SETBP1: variants seen among roughly 807,000 people sequenced by gnomAD.
SETBP1 encodes SET-binding protein.
SETBP1 carries 9 observed loss-of-function variants against 101.0 expected under a neutral mutation model. The observed-to-expected ratio is 0.09, with a 90% CI of 0.05 to 0.16. The LOEUF (loss-of-function observed/expected upper bound fraction) is 0.16. Ranked by LOEUF, SETBP1 falls within the 10% of genes least tolerant of loss-of-function variation. The pLI is 1.00. For missense variants in SETBP1, 1,858 were observed against 2,033.8 expected, an observed-to-expected ratio of 0.91 and a Z score of 1.66; for synonymous variants, 818 against 788.5, an observed-to-expected ratio of 1.04 and a Z score of -0.63.
intron 2 of SETBP1, among the ~76,000 whole-genome samples, chr18:44,746,294 A>G (rs1272262570): frequency 6.6e-6 from 1 of 152,216 alleles, no homozygotes; most frequent in South Asian, 2.1e-4. Context: ...ACATTTCTGT[A>G]AAATAGGATA....
intron 2 of SETBP1, among the ~76,000 whole-genome samples, chr18:44,777,339 A>G (rs779125305): frequency 5.3e-5 from 8 of 152,220 alleles, no homozygotes; most frequent in Non-Finnish European, 1.2e-4. Context: ...TAAGTGGCAG[A>G]ACTGGGTTAT....
intron 4 of SETBP1, among the ~76,000 whole-genome samples, chr18:44,992,754 A>G (rs1292379140): frequency 6.6e-6 from 1 of 152,206 alleles, no homozygotes; most frequent in Middle Eastern, 3.4e-3. Flanking sequence ...TTTTACAGTT[A>G]GTTCTGCCAA....
rs979158113 is a variant in SETBP1 at position 44,904,464 on chromosome 18, T to C, written c.540+35181T>C. Reference sequence around the variant, plus strand: ...TGTCCTCTTTATAGTGTTTTTCTCATAGTCAAAGATGTCAATAAAGTTGGT... The same window carrying C: ...TGTCCTCTTTATAGTGTTTTTCTCACAGTCAAAGATGTCAATAAAGTTGGT... On this transcript the variant is annotated intron_variant, in intron 3 of 5. Transcript: ENST00000649279. Among the ~76,000 whole-genome samples the C allele has an allele frequency of 2.0e-5, 3 of 152,290 alleles. No homozygotes were observed. The East Asian group carries it at 5.8e-4, about 29-fold the overall frequency.
At chr18:44,848,959 A>G (rs371242005) in intron 2 of SETBP1, among the ~76,000 whole-genome samples, 81 of 152,334 alleles carry the variant, frequency 5.3e-4, no homozygotes, top group African/African-American at 1.8e-3. Flanking sequence ...CTCACTATCT[A>G]TTACAAATTA....
chr18:44,857,028 T>C (rs1182901681), intron 2 of SETBP1, among the ~76,000 whole-genome samples: 2 of 152,242 alleles, frequency 1.3e-5, no homozygotes, highest in Non-Finnish European at 2.9e-5. Context: ...CAATTTTTCT[T>C]ATCTAGTTAT....
chr18:44,961,601 T>C (rs1349050391), intron 4 of SETBP1, among the ~76,000 whole-genome samples: 5 of 152,208 alleles, frequency 3.3e-5, no homozygotes, highest in Admixed American at 1.3e-4. Context: ...TCTCCAATTC[T>C]AGGAGCAGAA....
intron 1 of SETBP1, among the ~76,000 whole-genome samples, chr18:44,699,149 T>G (rs527629831): frequency 6.6e-6 from 1 of 152,240 alleles, no homozygotes; most frequent in South Asian, 2.1e-4. Flanking sequence ...TGTATATGCT[T>G]TGTCTTTTCT....
chr18:45,017,060 A>G (rs576915173), intron 4 of SETBP1, among the ~76,000 whole-genome samples: 6 of 152,156 alleles, frequency 3.9e-5, no homozygotes, highest in African/African-American at 1.2e-4. Flanking sequence ...TGGTCACTAG[A>G]CCGGGCCCAG....
At position 44,952,004 on chromosome 18, in the gene SETBP1, C is replaced by G; in HGVS notation, c.2664C>G (p.Ser888=). 1.2e-6 allele frequency: 2 copies of G among 1,613,968 alleles called. No homozygotes were observed. Among genetic ancestry groups the G allele is most frequent in the Non-Finnish European group, 1.7e-6 (2 of 1,180,000 alleles). ...ACCAAGCGGAGAAGAGCTCAGAATC[C>G]CGAAGGAGGTACTCTTTTGATTTCT... ...TSDQAEKSSE[S]RRRYSFDFCS... Residue 888 remains serine (S), a synonymous_variant, in exon 4 of 6, where the codon TCC becomes TCG. Coordinates refer to ENST00000649279, the MANE Select transcript of SETBP1 (RefSeq NM_015559.3).
At chr18:44,877,001 G>A in intron 3 of SETBP1, 3 of 1,199,542 alleles carry the variant, frequency 2.5e-6, no homozygotes, top group Non-Finnish European at 2.1e-6. Flanking sequence ...TTCCAGGGCA[G>A]GCTTGATCCC....
At chr18:44,916,013 G>A (rs889932586) in intron 3 of SETBP1, among the ~76,000 whole-genome samples, 1 of 152,120 alleles carries the variant, frequency 6.6e-6, no homozygotes, top group African/African-American at 2.4e-5. Flanking sequence ...ATCATTTGAG[G>A]TAAGAAGTGT....
intron 2 of SETBP1, among the ~76,000 whole-genome samples, chr18:44,792,334 C>T (rs2071387387): frequency 6.6e-6 from 1 of 152,130 alleles, no homozygotes; most frequent in Admixed American, 6.6e-5. Flanking sequence ...GTGTATGTTC[C>T]AGATGATTTT....
chr18:44,701,132 C>T (rs1473605013), intron 1 of SETBP1, 43 bp from the exon 2 acceptor site: 4 of 447,340 alleles, frequency 8.9e-6, no homozygotes, highest in Non-Finnish European at 1.5e-5. Context: ...CCTTGGGGGT[C>T]ATTTTCCTTT....
chr18:44,918,481 A>G (rs879721279), intron 3 of SETBP1, among the ~76,000 whole-genome samples: 2 of 152,214 alleles, frequency 1.3e-5, no homozygotes, highest in Non-Finnish European at 2.9e-5. Context: ...CCTGGCCACT[A>G]ACAAGCCATT....
chr18:44,979,116 T>C (rs1399129411), intron 4 of SETBP1, among the ~76,000 whole-genome samples: 6 of 152,170 alleles, frequency 3.9e-5, no homozygotes, highest in Non-Finnish European at 7.4e-5. Context: ...CAGGGAGGCT[T>C]TTCCTCTCCT....
At position 45,063,264 on chromosome 18, in the gene SETBP1, AGGCGCG is replaced by A; in HGVS notation, c.4362_4367del (p.Gly1455_Arg1456del). The A allele has an allele frequency of 6.2e-7, 1 of 1,612,378 alleles. No individual in the cohort carries two copies. Among genetic ancestry groups the A allele is most frequent in the Non-Finnish European group, 8.5e-7 (1 of 1,179,100 alleles). ...AACAGGCAACAACTTCGTGAAGAAG[AGGCGCG>A]GGCGTCCCAGGAAGCAGCCCACCCA... On this transcript the variant is annotated inframe_deletion, in exon 6 of 6. Transcript: ENST00000649279.
intron 3 of SETBP1, among the ~76,000 whole-genome samples, chr18:44,914,096 G>C (rs906501665): frequency 3.9e-5 from 6 of 152,176 alleles, no homozygotes; most frequent in Non-Finnish European, 7.3e-5. Context: ...GCTGCAGAAG[G>C]CACTCCCATC....
chr18:44,988,865 G>C (rs1025618983), intron 4 of SETBP1: 2 of 152,104 alleles, frequency 1.3e-5, no homozygotes, highest in Non-Finnish European at 2.9e-5. Context: ...GGGGGTCAGG[G>C]GAGCAGGGTC....
Position 45,063,992 on chromosome 18 carries a change from A to G in SETBP1, c.*294A>G, listed in dbSNP as rs2073935341. 9.1e-6 allele frequency: 3 copies of G among 328,120 alleles called. No homozygotes were observed. The South Asian group carries it at 1.3e-4, about 14-fold the overall frequency. 20.3% of individuals were successfully genotyped at this position (328,120 alleles called of 1,614,324 possible). A position where few individuals can be genotyped will look rare whatever the true frequency, so the allele number is the denominator to read the frequency against. On this transcript the variant is annotated 3_prime_UTR_variant, in exon 6 of 6. Coordinates refer to ENST00000649279, the MANE Select transcript of SETBP1 (RefSeq NM_015559.3). ...CGAGCGGAAGGCCCCCAGGAGGAGC[A>G]GGCTGGTGGCACTCTCCTGACCTCA...
Sources: gnomAD v4.1 joint callset for allele counts (sites outside exome capture counted in the v4.1 genomes callset) on GRCh38, gnomAD v4.1.1 for gene constraint, MANE v1.5 for transcripts, NCBI Gene and HGNC (gene_info 2026-07-23, HGNC 2026-07-21) for gene names.